The following GCFC2 variants were observed in gnomAD, a reference collection of about 807,000 sequenced individuals.
The protein encoded by GCFC2 is intron Large complex component GCFC2.
In GCFC2, 102 loss-of-function variants were observed where a neutral mutation model predicts 99.4. That is an observed-to-expected ratio of 1.03 (90% CI 0.87 to 1.21). GCFC2 has a LOEUF of 1.21. Ranked by LOEUF, GCFC2 falls within the 50% of genes most tolerant of loss-of-function variation. GCFC2 has a pLI of 0.00. For synonymous variants in GCFC2, 338 were observed against 316.8 expected (o/e 1.07, Z -0.71); for missense variants, 973 against 920.9 (o/e 1.06, Z -0.73).
chr2:75,710,871 G>GC lies in GCFC2; in HGVS notation c.-17dup, dbSNP rs1573105489. 6.5e-7 allele frequency: 1 copy of GC among 1,535,324 alleles called. No individual in the cohort carries two copies. The highest frequency in any genetic ancestry group is 2.6e-5 in the East Asian group (1 of 38,366). ...TGTGAGCCATGGCCGAGGCCCGAGC[G>GC]CCCGGCGCCCTAGAACCCGCTGAAC... On this transcript the variant is annotated 5_prime_UTR_variant, in exon 1 of 17. Transcript: ENST00000321027.
intron 2 of GCFC2, among the ~76,000 whole-genome samples, chr2:75,704,504 A>C (rs1680747509): frequency 6.6e-6 from 1 of 152,208 alleles, no homozygotes; most frequent in African/African-American, 2.4e-5. Flanking sequence ...ACTGTTCTGC[A>C]CTCCTGTTAA....
Position 75,702,573 on chromosome 2 carries a change from G to C in GCFC2, c.395-150C>G, listed in dbSNP as rs1392767080. On this transcript the variant is annotated intron_variant, in intron 2 of 16. Coordinates refer to ENST00000321027, the MANE Select transcript of GCFC2 (RefSeq NM_003203.5). ...GACTTTAATAAATGGCTCAAAATCT[G>C]TATCAGCAAAGGAAGAAAACTTAAT... 11 of 619,956 alleles carry C rather than the reference G, an allele frequency of 1.8e-5. No homozygotes were observed. In the South Asian group the frequency reaches 2.3e-4, roughly 13 times the overall value. 38.4% of individuals were successfully genotyped at this position (619,956 alleles called of 1,614,324 possible).
intron 4 of GCFC2, among the ~76,000 whole-genome samples, chr2:75,699,758 G>A (rs1303026412): frequency 2.0e-5 from 3 of 151,648 alleles, no homozygotes; most frequent in Non-Finnish European, 4.4e-5. Flanking sequence ...TTTGTTTTTA[G>A]TAGAGTTCAG....
At position 75,699,745 on chromosome 2, in the gene GCFC2, T is replaced by C. The variant is rs942593204; in HGVS notation, c.717+1445A>G. ...CATGCGCCACCATGCCTGGCTAGTT[T>C]TATTTGTTTTTAGTAGAGTTCAGGT... On this transcript the variant is annotated intron_variant, in intron 4 of 16. Transcript: ENST00000321027. 6.6e-5 allele frequency among the ~76,000 whole-genome samples: 10 copies of C among 151,814 alleles called. No homozygotes were observed. In the East Asian group the frequency reaches 1.9e-3, roughly 29 times the overall value.
chr2:75,673,235 G>T (rs1043565694), intron 13 of GCFC2, among the ~76,000 whole-genome samples: 1 of 152,012 alleles, frequency 6.6e-6, no homozygotes, highest in African/African-American at 2.4e-5. Flanking sequence ...GTGAACCTGG[G>T]AGGCGGAGCT....
chr2:75,690,640 T>A lies in GCFC2; in HGVS notation c.1224A>T (p.Arg408=). ...TQWILEEIES[R]RTKRRQARVL... ...AAATCTTCACTTTATATAGGTACCT[T>A]CGAGATTCAATCTCTTCTAAAATCC... The change falls in exon 8 of 17, where the codon CGA becomes CGT. Residue 408 remains arginine, a splice_region_variant and synonymous_variant. Transcript: ENST00000321027. The A allele has an allele frequency of 1.4e-6, 2 of 1,419,032 alleles. No homozygotes were observed. The allele number at this position is 1,419,032 out of a possible 1,614,324, so 87.9% of individuals were successfully genotyped here. A position where few individuals can be genotyped will look rare whatever the true frequency, so the allele number is the denominator to read the frequency against.
intron 11 of GCFC2, among the ~76,000 whole-genome samples, 200 bp downstream of exon 11, chr2:75,687,627 T>C (rs1679878450): frequency 6.6e-6 from 1 of 152,220 alleles, no homozygotes; most frequent in Admixed American, 6.5e-5. Flanking sequence ...ATCTGAGTAT[T>C]AGCAGTTTGG....
At chr2:75,681,766 T>C (rs1573057634) in intron 11 of GCFC2, among the ~76,000 whole-genome samples, 1 of 151,700 alleles carries the variant, frequency 6.6e-6, no homozygotes, top group East Asian at 1.9e-4. Context: ...GGCGGAGGGG[T>C]GTCCGCCACT....
chr2:75,666,668 A>G (rs1279227709), intron 15 of GCFC2, among the ~76,000 whole-genome samples: 1 of 152,088 alleles, frequency 6.6e-6, no homozygotes, highest in Non-Finnish European at 1.5e-5. Flanking sequence ...GATTTTGAGA[A>G]AAGTTTTGGT....
intron 1 of GCFC2, among the ~76,000 whole-genome samples, chr2:75,706,918 G>GA (rs200622606): frequency 2.0e-5 from 3 of 149,126 alleles, no homozygotes; most frequent in East Asian, 2.0e-4. Context: ...AGGCATTAGA[G>GA]AAAAAAAAAG....
chr2:75,692,372 C>T (rs146482757), intron 6 of GCFC2, among the ~76,000 whole-genome samples: 3 of 112,270 alleles, frequency 2.7e-5, no homozygotes, highest in Non-Finnish European at 5.3e-5. Flanking sequence ...TAAATGGGGG[C>T]CAGGATGTGG....
chr2:75,702,096 C>A, intron 3 of GCFC2, 103 bp downstream of exon 3: 1 of 1,500,252 alleles, frequency 6.7e-7, no homozygotes, highest in Non-Finnish European at 8.8e-7. Context: ...CCATTATCAA[C>A]ACTATAAAAT....
At chr2:75,711,250 C>T, upstream of GCFC2, 1 of 981,494 alleles carries the variant, frequency 1.0e-6, no homozygotes, top group Middle Eastern at 5.3e-4. Context: ...CTTTTACTTT[C>T]TGGAGAGAGT....
rs1442608911 is a variant in GCFC2 at position 75,662,705 on chromosome 2, T to A, written c.*1961A>T. ...AAATTACTATAGCAGTTTAAGTCAA[T>A]TTGTAGTTTTGAAAGCAGTTTTAAT... On this transcript the variant is annotated 3_prime_UTR_variant, in exon 17 of 17. Transcript: ENST00000321027. 2 of 152,082 alleles carry A rather than the reference T, an allele frequency of 1.3e-5. No homozygotes were observed. Among genetic ancestry groups the A allele is most frequent in the African/African-American group, 2.4e-5 (1 of 41,426 alleles). The allele number at this position is 152,082 out of a possible 1,614,324, so 9.4% of individuals were successfully genotyped here. A position where few individuals can be genotyped will look rare whatever the true frequency, so the allele number is the denominator to read the frequency against.
intron 14 of GCFC2, 35 bp from the exon 15 acceptor site, chr2:75,670,319 C>T (rs200757245): frequency 1.3e-5 from 19 of 1,452,990 alleles, no homozygotes; most frequent in East Asian, 4.5e-5. Flanking sequence ...TGTACCTTTT[C>T]TCCAAAGAGA....
rs752025445 is a variant in GCFC2 at position 75,710,750 on chromosome 2, G to C, written c.106C>G (p.Pro36Ala). 1 of 1,566,208 alleles carries C rather than the reference G, an allele frequency of 6.4e-7. No homozygotes were observed. Among genetic ancestry groups the C allele is most frequent in the East Asian group, 2.4e-5 (1 of 41,528 alleles). The stretch of plus-strand genomic sequence containing the variant: ...TCTTCCTCCGCAGAACCCGGGACCG[G>C]AAGTTCCCTCGGCGCCCCAGGCTCA... ...PAEPGAPREL[P>A]VPGSAEEEPP... The change falls in exon 1 of 17, where the codon CCG becomes GCG. Residue 36 changes from proline to alanine, a missense_variant. Pro to Ala is a conservative substitution (Grantham distance 27). Transcript: ENST00000321027.
intron 2 of GCFC2, among the ~76,000 whole-genome samples, chr2:75,703,578 G>C (rs932932805): frequency 3.3e-5 from 5 of 152,168 alleles, no homozygotes; most frequent in African/African-American, 4.8e-5. Flanking sequence ...CTTTTTTATA[G>C]ATTAGTAATT....
At chr2:75,706,443 TTTG>T (rs1450692100) in intron 2 of GCFC2, 77 bp downstream of exon 2, 80 of 909,124 alleles carry the variant, frequency 8.8e-5, no homozygotes, top group Admixed American at 4.2e-4. Flanking sequence ...GTCACTAGAG[TTTG>T]TTATGTCATT....
chr2:75,700,902 A>T (rs1398231653), intron 4 of GCFC2, among the ~76,000 whole-genome samples: 1 of 152,218 alleles, frequency 6.6e-6, no homozygotes, highest in Non-Finnish European at 1.5e-5. Context: ...CACACAGTAG[A>T]GACATGGAAA....
Sources: allele counts gnomAD v4.1 joint callset (sites outside exome capture counted in the v4.1 genomes callset), GRCh38; gene constraint gnomAD v4.1.1; transcripts MANE v1.5; gene names NCBI Gene and HGNC (gene_info 2026-07-23, HGNC 2026-07-21).